AHI1: variants seen among roughly 807,000 people sequenced by gnomAD.
The protein encoded by AHI1 is Abelson helper integration site 1, also known as jouberin.
AHI1 carries 123 observed loss-of-function variants against 149.3 expected under a neutral mutation model. That is an observed-to-expected ratio of 0.82 (90% CI 0.71 to 0.96). The LOEUF (loss-of-function observed/expected upper bound fraction) is 0.96, where lower values mean the gene tolerates loss of function less well. Ranked by LOEUF, AHI1 falls within the 40% of genes least tolerant of loss-of-function variation. The pLI is 0.00. For missense variants in AHI1, 1,439 were observed against 1,422.7 expected, an observed-to-expected ratio of 1.01 and a Z score of -0.18; for synonymous variants, 475 against 459.8, an observed-to-expected ratio of 1.03 and a Z score of -0.42.
At chr6:135,342,909 A>T (rs1045692564) in intron 24 of AHI1, among the ~76,000 whole-genome samples, 4 of 151,692 alleles carry the variant, frequency 2.6e-5, no homozygotes, top group Non-Finnish European at 4.4e-5. Flanking sequence ...TACCACTTCA[A>T]CATTGTACTG....
chr6:135,351,384 G>C (rs2128425539), intron 24 of AHI1, among the ~76,000 whole-genome samples: 1 of 152,272 alleles, frequency 6.6e-6, no homozygotes, highest in South Asian at 2.1e-4. Flanking sequence ...TATCGAGTGA[G>C]GTCCTATTTG....
intron 23 of AHI1, among the ~76,000 whole-genome samples, chr6:135,363,044 A>G (rs969386511): frequency 1.4e-5 from 2 of 146,468 alleles, no homozygotes; most frequent in African/African-American, 2.6e-5. Flanking sequence ...ATTTTATTTT[A>G]TTATTATTAT....
intron 22 of AHI1, among the ~76,000 whole-genome samples, chr6:135,397,188 A>G (rs558639301): frequency 1.3e-5 from 2 of 152,056 alleles, no homozygotes; most frequent in African/African-American, 2.4e-5. Context: ...TTATTATTAG[A>G]TATTTGTTTT....
intron 16 of AHI1, 32 bp downstream of exon 16, chr6:135,432,995 T>A (rs1433762776): frequency 1.3e-6 from 2 of 1,530,924 alleles, no homozygotes; most frequent in Non-Finnish European, 1.8e-6. Flanking sequence ...ATTCTTCACA[T>A]AGCTGGTCTT....
At chr6:135,381,048 G>A (rs193140606) in intron 23 of AHI1, among the ~76,000 whole-genome samples, 1 of 152,172 alleles carries the variant, frequency 6.6e-6, no homozygotes, top group East Asian at 1.9e-4. Context: ...TAATTTGCCT[G>A]TTATATGTGC....
intron 20 of AHI1, among the ~76,000 whole-genome samples, chr6:135,424,157 G>A (rs73777524): frequency 6.6e-6 from 1 of 151,880 alleles, no homozygotes; most frequent in African/African-American, 2.4e-5. Flanking sequence ...TTGCTGAAAA[G>A]GAAATTTAGT....
At chr6:135,365,203 G>C (rs546542406) in intron 23 of AHI1, among the ~76,000 whole-genome samples, 10 of 152,260 alleles carry the variant, frequency 6.6e-5, no homozygotes, top group African/African-American at 2.4e-4. Context: ...CTCTTTCGAT[G>C]ACTATAGCTT....
At chr6:135,380,234 TCAAC>T (rs1223318803) in intron 23 of AHI1, among the ~76,000 whole-genome samples, 1 of 151,956 alleles carries the variant, frequency 6.6e-6, no homozygotes, top group Non-Finnish European at 1.5e-5. Context: ...ATCCACGCAT[TCAAC>T]CAACCATGGA....
rs17778438 is a variant in AHI1 at position 135,411,056 on chromosome 6, G to A, written c.2961+292C>T. On this transcript the variant is annotated intron_variant, in intron 21 of 28. Transcript: ENST00000265602. The stretch of plus-strand genomic sequence containing the variant: ...TTTCCTAGGAGATGGAGTCATACCT[G>A]TATGCTAAGTCCTAGGTGTGGTCAT... Among the ~76,000 whole-genome samples, 13,229 of 152,172 alleles carry A rather than the reference G, an allele frequency of 0.087. 823 individuals are homozygous for A. The highest frequency in any genetic ancestry group is 0.25 in the East Asian group (1,277 of 5,156).
At chr6:135,451,870 T>C (rs1788162763) in intron 11 of AHI1, among the ~76,000 whole-genome samples, 1 of 152,082 alleles carries the variant, frequency 6.6e-6, no homozygotes, top group South Asian at 2.1e-4. Flanking sequence ...TTTTTTTCTT[T>C]GCTCTAAATC....
chr6:135,455,375 G>C (rs1178612409), intron 10 of AHI1, among the ~76,000 whole-genome samples: 4 of 152,114 alleles, frequency 2.6e-5, no homozygotes, highest in African/African-American at 7.2e-5. Context: ...CATATTCTTA[G>C]GGTGCCTGAC....
intron 24 of AHI1, among the ~76,000 whole-genome samples, chr6:135,346,282 C>A (rs1046704329): frequency 1.3e-5 from 2 of 152,156 alleles, no homozygotes; most frequent in Non-Finnish European, 2.9e-5. Context: ...GCAAGCTCCA[C>A]CTCCCGGGTT....
chr6:135,455,586 T>C lies in AHI1; in HGVS notation c.1344+148A>G, dbSNP rs1583315739. 4 of 564,916 alleles carry C rather than the reference T, an allele frequency of 7.1e-6. No individual in the cohort carries two copies. The East Asian group carries it at 1.2e-4, about 17-fold the overall frequency. 35.0% of individuals were successfully genotyped at this position (564,916 alleles called of 1,614,324 possible). ...TTTATAAAAGGGCGTCTCACTTGAT[T>C]CCACAGCATTGGAAAACTAAATCCT... On this transcript the variant is annotated intron_variant, in intron 10 of 28. Coordinates refer to ENST00000265602, the MANE Select transcript of AHI1 (RefSeq NM_001134831.2).
intron 5 of AHI1, among the ~76,000 whole-genome samples, chr6:135,468,069 G>A (rs1791074855): frequency 6.6e-6 from 1 of 152,016 alleles, no homozygotes; most frequent in Non-Finnish European, 1.5e-5. Flanking sequence ...ATATAAAAAG[G>A]TGATTTAAAA....
chr6:135,432,020 A>T (rs1217241707), intron 16 of AHI1, among the ~76,000 whole-genome samples: 1 of 136,628 alleles, frequency 7.3e-6, no homozygotes, highest in African/African-American at 2.8e-5. Context: ...TTTTTTGCAC[A>T]TTTGGATATC....
chr6:135,456,945 C>T (rs1446408584), intron 9 of AHI1, among the ~76,000 whole-genome samples: 1 of 152,278 alleles, frequency 6.6e-6, no homozygotes, highest in Non-Finnish European at 1.5e-5. Flanking sequence ...ATTACATCTA[C>T]TAAGCTGGCA....
At chr6:135,395,838 A>G (rs891490720) in intron 22 of AHI1, among the ~76,000 whole-genome samples, 2 of 142,920 alleles carry the variant, frequency 1.4e-5, no homozygotes, top group African/African-American at 2.4e-5. Context: ...AAATATTACT[A>G]TATTAAAACA....
At chr6:135,367,925 T>C (rs1429572411) in intron 23 of AHI1, among the ~76,000 whole-genome samples, 5 of 152,192 alleles carry the variant, frequency 3.3e-5, no homozygotes, top group African/African-American at 9.6e-5. Context: ...TTAAAGAACC[T>C]TGTTTTGTCA....
intron 24 of AHI1, among the ~76,000 whole-genome samples, chr6:135,342,054 C>T (rs1463399990): frequency 6.6e-6 from 1 of 151,114 alleles, no homozygotes; most frequent in African/African-American, 2.4e-5. Context: ...AATAGACTGG[C>T]CAGGGTAGAA....
Sources: allele counts gnomAD v4.1 joint callset (sites outside exome capture counted in the v4.1 genomes callset), GRCh38; gene constraint gnomAD v4.1.1; transcripts MANE v1.5; gene names NCBI Gene and HGNC (gene_info 2026-07-23, HGNC 2026-07-21).